ANKRD29: variants seen among roughly 807,000 people sequenced by gnomAD.
ANKRD29 encodes ankyrin repeat domain-containing protein 29.
A neutral mutation model predicts 38.0 loss-of-function variants in ANKRD29; 32 were observed. That is an observed-to-expected ratio of 0.84 (90% CI 0.64 to 1.13). ANKRD29 has a LOEUF of 1.13. Among genes scored for constraint, ANKRD29 ranks in the 50% most tolerant of loss-of-function variants. The probability of loss-of-function intolerance (pLI) is 0.00; values close to 1 mark genes in which losing one functional copy is unlikely to be tolerated. For missense variants in ANKRD29, 357 were observed against 377.9 expected, an observed-to-expected ratio of 0.94 and a Z score of 0.46; for synonymous variants, 135 against 152.4, an observed-to-expected ratio of 0.89 and a Z score of 0.84.
intron 3 of ANKRD29, 25 bp downstream of exon 3, chr18:23,646,164 T>C: frequency 6.2e-7 from 1 of 1,610,328 alleles, no homozygotes; most frequent in Non-Finnish European, 8.5e-7. Flanking sequence ...TGGTCATTTT[T>C]CTTCAAGTGC....
intron 1 of ANKRD29, among the ~76,000 whole-genome samples, chr18:23,659,294 C>T (rs1394307512): frequency 6.6e-6 from 1 of 152,134 alleles, no homozygotes; most frequent in African/African-American, 2.4e-5. Context: ...TTGTTTTTAT[C>T]ATCAGTTTAT....
At chr18:23,623,612 C>T (rs2059822770) in intron 6 of ANKRD29, among the ~76,000 whole-genome samples, 1 of 151,548 alleles carries the variant, frequency 6.6e-6, no homozygotes, top group Non-Finnish European at 1.5e-5. Flanking sequence ...CAGTGAGGCC[C>T]CCATCTCTAT....
intron 2 of ANKRD29, chr18:23,646,499 T>A: frequency 2.2e-6 from 1 of 462,840 alleles, no homozygotes; most frequent in Non-Finnish European, 3.9e-6. Context: ...ATTTTCGATG[T>A]AAAAATTCAC....
intron 1 of ANKRD29, among the ~76,000 whole-genome samples, chr18:23,650,432 C>T (rs754301806): frequency 4.6e-5 from 7 of 152,246 alleles, no homozygotes; most frequent in African/African-American, 1.7e-4. Context: ...GCGTGAGCCA[C>T]TGCACTGGGC....
At chr18:23,631,407 A>AT (rs576582865) in intron 5 of ANKRD29, among the ~76,000 whole-genome samples, 1 of 150,856 alleles carries the variant, frequency 6.6e-6, no homozygotes, top group African/African-American at 2.4e-5. Flanking sequence ...CATCCAGTTA[A>AT]TTTTTTAAAA....
intron 2 of ANKRD29, 147 bp from the exon 3 acceptor site, chr18:23,646,434 T>A (rs1216119273): frequency 1.7e-6 from 1 of 577,294 alleles, no homozygotes; most frequent in African/African-American, 1.9e-5. Context: ...TCATGAATAA[T>A]CTCATCATGC....
At chr18:23,605,479 GGT>G (rs1289317281) in intron 9 of ANKRD29, among the ~76,000 whole-genome samples, 1 of 151,776 alleles carries the variant, frequency 6.6e-6, no homozygotes, top group Non-Finnish European at 1.5e-5. Flanking sequence ...TGAGATTATA[GGT>G]GTTGGCCACT....
chr18:23,632,290 T>C (rs532525470), intron 5 of ANKRD29, among the ~76,000 whole-genome samples: 3 of 152,230 alleles, frequency 2.0e-5, no homozygotes, highest in South Asian at 2.1e-4. Context: ...GAACTACCCA[T>C]GCATTGAATT....
chr18:23,616,398 G>A (rs1002767389), intron 8 of ANKRD29, among the ~76,000 whole-genome samples: 3 of 149,832 alleles, frequency 2.0e-5, no homozygotes, highest in South Asian at 2.1e-4. Flanking sequence ...GTGCAGTGGT[G>A]TGTGGCTGTA....
In ANKRD29 at chr18:23,651,889, G is replaced by C. The variant is rs150857247; in HGVS notation, c.22-2696C>G. On this transcript the variant is annotated intron_variant, in intron 1 of 9. Coordinates refer to ENST00000592179, the MANE Select transcript of ANKRD29 (RefSeq NM_173505.4). ...GTATGGGAAGATTAGACAGACCAGA[G>C]ACATTTTAAGGAGCTAAACTCCACA... Among the ~76,000 whole-genome samples the C allele has an allele frequency of 1.6e-3, 250 of 152,336 alleles. 1 individual carries two copies. Among genetic ancestry groups the C allele is most frequent in the African/African-American group, 5.8e-3 (242 of 41,582 alleles).
At chr18:23,627,385 A>C (rs2059874817) in intron 6 of ANKRD29, among the ~76,000 whole-genome samples, 1 of 152,200 alleles carries the variant, frequency 6.6e-6, no homozygotes, top group Non-Finnish European at 1.5e-5. Context: ...AAGTTGTAGC[A>C]CTTGCTCCTT....
At position 23,612,049 on chromosome 18, in the gene ANKRD29, C is replaced by T. The variant is rs369321531; in HGVS notation, c.822+43G>A. 5 of 1,569,480 alleles carry T rather than the reference C, an allele frequency of 3.2e-6. No individual in the cohort carries two copies. In the African/African-American group the frequency reaches 5.4e-5, roughly 17 times the overall value. On this transcript the variant is annotated intron_variant, in intron 9 of 9. Coordinates refer to ENST00000592179, the MANE Select transcript of ANKRD29 (RefSeq NM_173505.4). ...TTATCCTTCCTGGCCTAGGAGGACACATCAATGGGCCCAAACGAGTTAAAA... is the reference window on the plus strand; with the variant it reads ...TTATCCTTCCTGGCCTAGGAGGACATATCAATGGGCCCAAACGAGTTAAAA...
chr18:23,628,963 GT>G (rs2059895192), intron 6 of ANKRD29, among the ~76,000 whole-genome samples: 1 of 151,958 alleles, frequency 6.6e-6, no homozygotes, highest in African/African-American at 2.4e-5. Context: ...TTGCATTTCT[GT>G]TCTTTTTTCT....
intron 9 of ANKRD29, among the ~76,000 whole-genome samples, chr18:23,606,470 T>C (rs2059576386): frequency 6.6e-6 from 1 of 152,186 alleles, no homozygotes; most frequent in African/African-American, 2.4e-5. Flanking sequence ...TTTAAAATTG[T>C]AAATAGATTT....
At chr18:23,662,502 C>T (rs2060377574) in intron 1 of ANKRD29, among the ~76,000 whole-genome samples, 1 of 151,622 alleles carries the variant, frequency 6.6e-6, no homozygotes, top group African/African-American at 2.4e-5. Context: ...TCAGGCAGGG[C>T]AGGCAGGCAA....
intron 3 of ANKRD29, among the ~76,000 whole-genome samples, chr18:23,643,371 A>G (rs1330622702): frequency 6.6e-6 from 1 of 152,222 alleles, no homozygotes; most frequent in Non-Finnish European, 1.5e-5. Flanking sequence ...ATAGTTCTGG[A>G]GGAAGAAACT....
chr18:23,660,180 G>A (rs12970798), intron 1 of ANKRD29, among the ~76,000 whole-genome samples: 66,715 of 152,100 alleles, frequency 0.44, 17,969 homozygotes, highest in Middle Eastern at 0.62. Context: ...AATGCATGCA[G>A]ATTCAATTTC....
chr18:23,608,492 G>C (rs1458288269), intron 9 of ANKRD29, among the ~76,000 whole-genome samples: 1 of 152,206 alleles, frequency 6.6e-6, no homozygotes, highest in Admixed American at 6.5e-5. Context: ...AACCATTATT[G>C]CTGGTGATTA....
chr18:23,617,675 G>A (rs1224194358), intron 8 of ANKRD29, 57 bp downstream of exon 8: 13 of 1,463,648 alleles, frequency 8.9e-6, no homozygotes, highest in Non-Finnish European at 1.1e-5. Context: ...CCCCAAGTGA[G>A]GACTTACTTT....
Sources: gnomAD v4.1 joint callset for allele counts (sites outside exome capture counted in the v4.1 genomes callset) on GRCh38, gnomAD v4.1.1 for gene constraint, MANE v1.5 for transcripts, NCBI Gene and HGNC (gene_info 2026-07-23, HGNC 2026-07-21) for gene names.